Variants in C1orf52 observed in about 807,000 individuals in gnomAD.
C1orf52 encodes UPF0690 protein C1orf52.
C1orf52 carries 5 observed loss-of-function variants against 17.2 expected under a neutral mutation model. The ratio of observed to expected loss-of-function variants is 0.29; its 90% CI spans 0.15 to 0.61. The LOEUF (loss-of-function observed/expected upper bound fraction) is 0.61. Among genes scored for constraint, C1orf52 ranks in the 20% least tolerant of loss-of-function variants. The pLI is 0.85. For missense variants in C1orf52, 245 were observed against 234.1 expected (o/e 1.05, Z -0.30); for synonymous variants, 110 against 88.0 (o/e 1.25, Z -1.40).
chr1:85,257,299 G>A (rs1659967730), intron 2 of C1orf52: 1 of 611,074 alleles, frequency 1.6e-6, no homozygotes, highest in South Asian at 2.0e-5. Context: ...AGGTACAAAG[G>A]AGCAAATAAT....
intron 2 of C1orf52, among the ~76,000 whole-genome samples, chr1:85,257,957 CA>C (rs201988791): frequency 6.6e-6 from 1 of 150,686 alleles, no homozygotes; most frequent in Non-Finnish European, 1.5e-5. Flanking sequence ...ACAAAAAAAA[CA>C]AAAAAAACAA....
intron 2 of C1orf52, chr1:85,257,581 G>T: frequency 1.5e-6 from 1 of 660,620 alleles, no homozygotes; most frequent in South Asian, 1.7e-5. Context: ...TATATAATCA[G>T]ATACGACTTT....
intron 2 of C1orf52, among the ~76,000 whole-genome samples, 191 bp from the exon 3 acceptor site, chr1:85,252,893 T>C (rs969872820): frequency 1.3e-5 from 2 of 151,840 alleles, no homozygotes; most frequent in African/African-American, 4.8e-5. Flanking sequence ...AGTGAGCAAT[T>C]TTTTTTTTCA....
chr1:85,256,349 A>C lies in C1orf52; in HGVS notation c.475+2175T>G, dbSNP rs565900996. Among the ~76,000 whole-genome samples the C allele has an allele frequency of 1.4e-3, 215 of 152,334 alleles. 1 individual carries two copies. The highest frequency in any genetic ancestry group is 4.9e-3 in the African/African-American group (202 of 41,574). The stretch of plus-strand genomic sequence containing the variant: ...CTGTATCAGGTTGCTCGGAGTAATA[A>C]ATTAGAAAACTGTGTGAAAGTGCCT... On this transcript the variant is annotated intron_variant, in intron 2 of 2. Coordinates refer to ENST00000471115, the MANE Select transcript of C1orf52 (RefSeq NM_198077.4).
At chr1:85,254,405 T>C (rs1077996) in intron 2 of C1orf52, among the ~76,000 whole-genome samples, 49,694 of 151,692 alleles carry the variant, frequency 0.33, 8,491 homozygotes, top group South Asian at 0.38. Context: ...CTTTTTTTTT[T>C]TTTTGAGATG....
At chr1:85,259,322 G>A (rs773695891) in intron 1 of C1orf52, 36 bp downstream of exon 1, 52 of 1,596,770 alleles carry the variant, frequency 3.3e-5, no homozygotes, top group Non-Finnish European at 4.2e-5. Context: ...GGCGCAGGCC[G>A]GGGCCGAGAC....
At chr1:85,259,199 G>C in intron 1 of C1orf52, 159 bp downstream of exon 1, 4 of 1,154,154 alleles carry the variant, frequency 3.5e-6, no homozygotes, top group Non-Finnish European at 4.8e-6. Flanking sequence ...CGGGGAGAGG[G>C]GGCCAGGTTT....
At position 85,259,142 on chromosome 1, in the gene C1orf52, C is replaced by T. The variant is rs1001527180; in HGVS notation, c.276+216G>A. The T allele has an allele frequency of 1.2e-4, 146 of 1,213,436 alleles. No homozygotes were observed. In the East Asian group the frequency reaches 3.9e-3, roughly 33 times the overall value. The allele number at this position is 1,213,436 out of a possible 1,614,324, so 75.2% of individuals were successfully genotyped here. A position where few individuals can be genotyped will look rare whatever the true frequency, so the allele number is the denominator to read the frequency against. On this transcript the variant is annotated intron_variant, in intron 1 of 2. Coordinates refer to ENST00000471115, the MANE Select transcript of C1orf52 (RefSeq NM_198077.4). ...GGGCACCGAGCGCGGAGGTTTGGGT[C>T]TCCTCACAAGGGGCGGGGCTGCGGG... is the stretch of plus-strand genomic sequence containing the variant.
intron 1 of C1orf52, chr1:85,258,953 C>CA (rs1660018604): frequency 7.2e-7 from 1 of 1,396,688 alleles, no homozygotes; most frequent in African/African-American, 1.4e-5. Context: ...AATCCAGTCT[C>CA]AGAGATACTA....
chr1:85,255,534 A>C (rs1174591340), intron 2 of C1orf52, among the ~76,000 whole-genome samples: 1 of 147,524 alleles, frequency 6.8e-6, no homozygotes, highest in East Asian at 2.0e-4. Flanking sequence ...TGGGCGACAG[A>C]GCGAGACTCC....
At chr1:85,253,137 G>A (rs1471039928) in intron 2 of C1orf52, among the ~76,000 whole-genome samples, 11 of 152,272 alleles carry the variant, frequency 7.2e-5, no homozygotes, top group Admixed American at 7.2e-4. Flanking sequence ...AAAGAAGGAT[G>A]ATGAAGGGGC....
rs772548947 is a variant in C1orf52 at position 85,252,616 on chromosome 1, T to C, written c.*13A>G. 1.2e-6 allele frequency: 2 copies of C among 1,610,552 alleles called. No individual in the cohort carries two copies. Among genetic ancestry groups the C allele is most frequent in the Admixed American group, 1.7e-5 (1 of 59,936 alleles). On this transcript the variant is annotated 3_prime_UTR_variant, in exon 3 of 3. Transcript: ENST00000471115. ...AACAAGTTTAGCAGTACAGAAATTCTGGTCATTTGTTTCTACTTTTTCTTC... is the reference window on the plus strand; with the variant it reads ...AACAAGTTTAGCAGTACAGAAATTCCGGTCATTTGTTTCTACTTTTTCTTC...
At chr1:85,255,121 T>C (rs113460163) in intron 2 of C1orf52, among the ~76,000 whole-genome samples, 1,655 of 152,330 alleles carry the variant, frequency 0.011, 23 homozygotes, top group Non-Finnish European at 0.015. Context: ...AACTTATCAA[T>C]AGACAAACTT....
intron 1 of C1orf52, chr1:85,259,009 G>A: frequency 9.6e-6 from 13 of 1,353,886 alleles, no homozygotes; most frequent in Non-Finnish European, 1.2e-5. Context: ...CACTGTCTTG[G>A]AGGCAGCACC....
rs1340189518 is a variant in C1orf52 at position 85,251,272 on chromosome 1, A to C, written c.*1357T>G. On this transcript the variant is annotated 3_prime_UTR_variant, in exon 3 of 3. Transcript: ENST00000471115. The stretch of plus-strand genomic sequence containing the variant: ...TATCATGTTGTCTAGGCTGGTCTCC[A>C]ACTCTTGGCCTCAAGCTATCCTCCC... 1.3e-5 allele frequency: 2 copies of C among 152,204 alleles called. No homozygotes were observed. Among genetic ancestry groups the C allele is most frequent in the African/African-American group, 4.8e-5 (2 of 41,460 alleles). 9.4% of individuals were successfully genotyped at this position (152,204 alleles called of 1,614,324 possible). A position where few individuals can be genotyped will look rare whatever the true frequency, so the allele number is the denominator to read the frequency against.
In C1orf52 at chr1:85,259,561, C is replaced by A. The variant is rs1458281135; in HGVS notation, c.73G>T (p.Glu25Ter). 1.2e-6 allele frequency: 2 copies of A among 1,612,616 alleles called. No homozygotes were observed. Among genetic ancestry groups the A allele is most frequent in the African/African-American group, 1.3e-5 (1 of 74,900 alleles). ...TCCTCCGGCTCGATGTTATCCTCCT[C>A]GTCCGAGGAGCCTGAGCTGCTGCTC... ...YGSSSSGSSD[E>*]EDNIEPEETS... Residue 25 changes from glutamate to a stop codon, truncating the protein, a stop_gained, in exon 1 of 3, where the codon GAG (glutamate) becomes TAG (stop). Coordinates refer to ENST00000471115, the MANE Select transcript of C1orf52 (RefSeq NM_198077.4). LOFTEE classifies it high-confidence loss of function.
At chr1:85,259,117 G>A (rs1660023380) in intron 1 of C1orf52, 7 of 1,322,036 alleles carry the variant, frequency 5.3e-6, no homozygotes, top group Non-Finnish European at 6.9e-6. Flanking sequence ...CGCGGGGTCG[G>A]GGCACCGAGC....
rs769584427 is a variant in C1orf52, at chr1:85,258,664, G to A, written c.335C>T (p.Thr112Ile). ...TGGAGGCGGAGGCTTCTTCTCAGTG[G>A]TGTAGGTCTCAGGAGGTGGTACATA... The part of the protein sequence containing the change: ...SNYVPPPETY[T>I]TEKKPPPPEL... The change falls in exon 2 of 3, where the codon ACC becomes ATC. Residue 112 changes from threonine to isoleucine, a missense_variant. Coordinates refer to ENST00000471115, the MANE Select transcript of C1orf52 (RefSeq NM_198077.4). 4 of 1,613,708 alleles carry A rather than the reference G, an allele frequency of 2.5e-6. No individual in the cohort carries two copies. In the East Asian group the frequency reaches 6.7e-5, roughly 27 times the overall value.
intron 2 of C1orf52, among the ~76,000 whole-genome samples, chr1:85,255,160 A>G (rs1277930122): frequency 6.6e-6 from 1 of 152,248 alleles, no homozygotes; most frequent in Non-Finnish European, 1.5e-5. Flanking sequence ...TAAACTAAAA[A>G]TCACTATATT....
Sources: allele counts gnomAD v4.1 joint callset (sites outside exome capture counted in the v4.1 genomes callset), GRCh38; gene constraint gnomAD v4.1.1; transcripts MANE v1.5; gene names NCBI Gene and HGNC (gene_info 2026-07-23, HGNC 2026-07-21).